CHD1L: variants seen among roughly 807,000 people sequenced by gnomAD.
CHD1L encodes the protein chromodomain helicase DNA binding protein 1 like.
In CHD1L, 118 loss-of-function variants were observed where a neutral mutation model predicts 115.9. The ratio of observed to expected loss-of-function variants is 1.02; its 90% CI spans 0.88 to 1.19. CHD1L has a LOEUF of 1.19. CHD1L is among the 50% of genes most tolerant of loss of function. The pLI is 0.00. For synonymous variants in CHD1L, 411 were observed against 387.1 expected, an observed-to-expected ratio of 1.06 and a Z score of -0.72; for missense variants, 1,179 against 1,065.3, an observed-to-expected ratio of 1.11 and a Z score of -1.49.
the CHD1L span, chr1:147,174,356 C>T: frequency 6.6e-6 from 1 of 152,204 alleles, no homozygotes; most frequent in Non-Finnish European, 1.5e-5. Flanking sequence ...GTGTAGTATT[C>T]AGTTTTCTGA....
chr1:147,275,959 C>T, intron 13 of CHD1L, 145 bp from the exon 14 acceptor site: 1 of 759,814 alleles, frequency 1.3e-6, no homozygotes, highest in South Asian at 2.0e-5. Flanking sequence ...AACAAGTGCT[C>T]AGGACCAAAT....
chr1:147,247,505 C>G (rs1258583661), intron 1 of CHD1L, among the ~76,000 whole-genome samples: 1 of 152,190 alleles, frequency 6.6e-6, no homozygotes, highest in Non-Finnish European at 1.5e-5. Flanking sequence ...CCCCCACTTC[C>G]CCTTCTGCCA....
rs1553974819 is a variant in CHD1L, at chr1:147,294,519, T to C, written c.2615+2T>C. ...TGCAAGAGGCATCCCAACTTACATG[T>C]ATCCTTTTGTGATCTTCATTGTGTG... On this transcript the variant is annotated splice_donor_variant, in intron 22 of 22. Coordinates refer to ENST00000369258, the MANE Select transcript of CHD1L (RefSeq NM_004284.6). LOFTEE classifies it high-confidence loss of function. The C allele has an allele frequency of 6.2e-7, 1 of 1,606,620 alleles. No homozygotes were observed.
At chr1:147,179,218 C>T in the CHD1L span, 1 of 1,613,880 alleles carries the variant, frequency 6.2e-7, no homozygotes, top group Middle Eastern at 1.6e-4. Context: ...GAAGTCTGAA[C>T]CTATCCCAGA....
At chr1:147,182,001 C>G in the CHD1L span, among the ~76,000 whole-genome samples, 2,187 of 152,172 alleles carry the variant, frequency 0.014, 54 homozygotes, top group African/African-American at 0.05. Flanking sequence ...TTAGATATGT[C>G]CATGTGGGTA....
At chr1:147,204,591 T>G in the CHD1L span, 4 of 1,592,406 alleles carry the variant, frequency 2.5e-6, no homozygotes, top group Non-Finnish European at 2.6e-6. Context: ...GTTCTTCAGC[T>G]AATTCCAGGA....
chr1:147,223,908 A>G, the CHD1L span: 1 of 367,190 alleles, frequency 2.7e-6, no homozygotes, highest in Non-Finnish European at 5.3e-6. Context: ...TCCTGGACTG[A>G]GAAGAAAGCT....
the CHD1L span, chr1:147,184,679 T>C: frequency 6.9e-7 from 1 of 1,443,734 alleles, no homozygotes; most frequent in Non-Finnish European, 9.1e-7. The surrounding 1 kb of genome is among the most constrained non-coding windows in gnomAD (Gnocchi z 4.4). Context: ...AAAGTGGCCT[T>C]CTCATCACTT....
At chr1:147,283,674 A>G (rs1681860750) in intron 15 of CHD1L, among the ~76,000 whole-genome samples, 1 of 152,204 alleles carries the variant, frequency 6.6e-6, no homozygotes, top group Admixed American at 6.5e-5. Context: ...TATTATTACC[A>G]CAGTTATTAT....
chr1:147,272,435 T>A (rs1299105797), intron 12 of CHD1L, 154 bp downstream of exon 12: 1 of 565,130 alleles, frequency 1.8e-6, no homozygotes, highest in East Asian at 3.0e-5. Context: ...CATGGTGCTG[T>A]TTTCTATCCA....
At chr1:147,197,781 C>A in the CHD1L span, among the ~76,000 whole-genome samples, 2 of 152,312 alleles carry the variant, frequency 1.3e-5, no homozygotes, top group African/African-American at 4.8e-5. Context: ...AATGGGCTAA[C>A]ACAGTCTTCC....
chr1:147,208,683 C>CCCGCCT, the CHD1L span: 2 of 538,506 alleles, frequency 3.7e-6, no homozygotes, highest in South Asian at 4.0e-5. Flanking sequence ...AGGTGATCCA[C>CCCGCCT]CCGCCTCCGC....
intron 19 of CHD1L, among the ~76,000 whole-genome samples, chr1:147,290,589 C>G (rs782801907): frequency 1.8e-4 from 28 of 152,114 alleles, no homozygotes; most frequent in Admixed American, 6.5e-4. Context: ...TGTGATAGTT[C>G]TTGTTATCAG....
chr1:147,187,163 G>T, the CHD1L span: 3 of 1,614,102 alleles, frequency 1.9e-6, no homozygotes, highest in South Asian at 2.2e-5. Context: ...AGCAGATTGG[G>T]CCTGACCCCC....
At chr1:147,271,902 G>C (rs1244760278) in intron 11 of CHD1L, among the ~76,000 whole-genome samples, 2 of 152,224 alleles carry the variant, frequency 1.3e-5, no homozygotes, top group East Asian at 3.9e-4. Flanking sequence ...CTTGAGAATA[G>C]TCAAAACTGA....
intron 6 of CHD1L, among the ~76,000 whole-genome samples, chr1:147,261,223 T>G (rs1448587002): frequency 6.6e-6 from 1 of 152,194 alleles, no homozygotes; most frequent in African/African-American, 2.4e-5. Flanking sequence ...TGGTCTGTTT[T>G]TCACAGACTG....
At chr1:147,252,539 G>C (rs1430925724) in intron 1 of CHD1L, 84 bp from the exon 2 acceptor site, 3 of 1,027,602 alleles carry the variant, frequency 2.9e-6, no homozygotes, top group African/African-American at 3.1e-5. Flanking sequence ...TTTAGGCTGT[G>C]TTCCTCATTC....
the CHD1L span, chr1:147,225,232 C>A: frequency 7.2e-7 from 1 of 1,385,016 alleles, no homozygotes; most frequent in Non-Finnish European, 9.4e-7. Context: ...ATGGGGGAGC[C>A]CTGCGCCTGC....
rs782774749 is a variant in CHD1L at position 147,286,310 on chromosome 1, G to C, written c.2031G>C (p.Trp677Cys). 13 of 1,613,792 alleles carry C rather than the reference G, an allele frequency of 8.1e-6. No homozygotes were observed. The highest frequency in any genetic ancestry group is 1.0e-5 in the Non-Finnish European group (12 of 1,179,954). Residue 677 changes from tryptophan (W) to cysteine (C), a missense_variant, in exon 18 of 23, where the codon TGG becomes TGC. Transcript: ENST00000369258. ...EAEHKKKMAWWESNNYQSFCL... is the reference protein window; with the variant it reads ...EAEHKKKMAWCESNNYQSFCL... Reference sequence around the variant, plus strand: ...TGGCCTGCTAAAGGATGGCCTGGTGGGAATCCAACAATTACCAGTCCTTCT... The same window carrying C: ...TGGCCTGCTAAAGGATGGCCTGGTGCGAATCCAACAATTACCAGTCCTTCT...
Sources: gnomAD v4.1 joint callset for allele counts (sites outside exome capture counted in the v4.1 genomes callset) on GRCh38, gnomAD v4.1.1 for gene constraint, Gnocchi (gnomAD v3.1) non-coding constraint, MANE v1.5 for transcripts, NCBI Gene and HGNC (gene_info 2026-07-23, HGNC 2026-07-21) for gene names.